SVIP: variants seen among roughly 807,000 people sequenced by gnomAD.
SVIP encodes small VCP/p97-interacting protein.
In SVIP, 14 loss-of-function variants were observed where a neutral mutation model predicts 12.9. The observed-to-expected ratio is 1.08, with a 90% CI of 0.72 to 1.70. SVIP has a LOEUF of 1.70. SVIP is among the 40% of genes most tolerant of loss of function. SVIP has a pLI of 0.00. For synonymous variants in SVIP, 35 were observed against 33.3 expected (o/e 1.05, Z -0.17); for missense variants, 93 against 90.8 (o/e 1.02, Z -0.10).
chr11:22,825,420 A>G (rs1024045318), intron 3 of SVIP, among the ~76,000 whole-genome samples: 1 of 152,124 alleles, frequency 6.6e-6, no homozygotes, highest in Non-Finnish European at 1.5e-5. Flanking sequence ...GTGATGAGGA[A>G]TATTCCAAGG....
chr11:22,825,659 AT>A (rs963465622), intron 3 of SVIP, among the ~76,000 whole-genome samples: 63 of 150,892 alleles, frequency 4.2e-4, no homozygotes, highest in African/African-American at 9.9e-4. Context: ...TAAGGCCTAA[AT>A]TTTTTTTTTA....
At chr11:22,828,243 T>C (rs894501571) in intron 1 of SVIP, among the ~76,000 whole-genome samples, 5 of 152,222 alleles carry the variant, frequency 3.3e-5, no homozygotes, top group Admixed American at 2.0e-4. Flanking sequence ...CTGGTGTTTT[T>C]AGGAAAGGTT....
In SVIP at chr11:22,824,902, G is replaced by C. The variant is rs12278395; in HGVS notation, c.220-1769C>G. Among the ~76,000 whole-genome samples, 1,131 of 152,210 alleles carry C rather than the reference G, an allele frequency of 7.4e-3. 19 individuals are homozygous for C. The highest frequency in any genetic ancestry group is 0.026 in the African/African-American group (1,089 of 41,544). ...CTATGAAACTCCAACATGCAGCTAAGGTGGAAAGCCATTGTACTAGAGGTC... is the reference window on the plus strand; with the variant it reads ...CTATGAAACTCCAACATGCAGCTAACGTGGAAAGCCATTGTACTAGAGGTC... On this transcript the variant is annotated intron_variant, in intron 3 of 3. Transcript: ENST00000354193.
intron 3 of SVIP, among the ~76,000 whole-genome samples, chr11:22,824,874 T>G (rs1471361937): frequency 6.6e-6 from 1 of 152,132 alleles, no homozygotes; most frequent in African/African-American, 2.4e-5. Context: ...TTTTGAAAGC[T>G]GCCTATGAAA....
At chr11:22,829,654 C>G in intron 1 of SVIP, 41 bp downstream of exon 1, 4 of 1,553,406 alleles carry the variant, frequency 2.6e-6, no homozygotes, top group Non-Finnish European at 3.5e-6. Flanking sequence ...GACAGGTGCT[C>G]AAGGCGCGGC....
At position 22,820,055 on chromosome 11, in the gene SVIP, A is replaced by C. The variant is rs1296956280; in HGVS notation, c.*3064T>G. ...GTGTCTGTAGCTTTTGAGAAAATTG[A>C]AGAAAAAAGCCACAATACTATATTT... On this transcript the variant is annotated 3_prime_UTR_variant, in exon 4 of 4. Transcript: ENST00000354193. 6.6e-6 allele frequency: 1 copy of C among 152,214 alleles called. No individual in the cohort carries two copies. The highest frequency in any genetic ancestry group is 1.5e-5 in the Non-Finnish European group (1 of 68,036). 9.4% of individuals were successfully genotyped at this position (152,214 alleles called of 1,614,324 possible). A position where few individuals can be genotyped will look rare whatever the true frequency, so the allele number is the denominator to read the frequency against.
chr11:22,823,069 G>A lies in SVIP; in HGVS notation c.*50C>T. 6.7e-7 allele frequency: 1 copy of A among 1,484,808 alleles called. No individual in the cohort carries two copies. The highest frequency in any genetic ancestry group is 9.2e-7 in the Non-Finnish European group (1 of 1,091,042). 92.0% of individuals were successfully genotyped at this position (1,484,808 alleles called of 1,614,324 possible). Reference sequence around the variant, plus strand: ...TTAAATTGATGAAGCCCACTTGATTGCAGATAATAAACAGTTATTGGCAGT... The same window carrying A: ...TTAAATTGATGAAGCCCACTTGATTACAGATAATAAACAGTTATTGGCAGT... On this transcript the variant is annotated 3_prime_UTR_variant, in exon 4 of 4. Transcript: ENST00000354193.
In SVIP at chr11:22,821,136, TTATATA is replaced by T. The variant is rs538663028; in HGVS notation, c.*1977_*1982del. On this transcript the variant is annotated 3_prime_UTR_variant, in exon 4 of 4. Transcript: ENST00000354193. ...TATACACACATATATAATATATATATTATATATATATATAATTTTTTAGTCATGTTT... is the reference window on the plus strand; with the variant it reads ...TATACACACATATATAATATATATATTATATATAATTTTTTAGTCATGTTT... The T allele has an allele frequency of 8.3e-5, 12 of 143,728 alleles. No individual in the cohort carries two copies. Among genetic ancestry groups the T allele is most frequent in the African/African-American group, 3.1e-4 (12 of 38,558 alleles). 8.9% of individuals were successfully genotyped at this position (143,728 alleles called of 1,614,324 possible).
chr11:22,829,581 C>A, intron 1 of SVIP, 114 bp downstream of exon 1: 3 of 1,101,938 alleles, frequency 2.7e-6, no homozygotes, highest in Non-Finnish European at 3.9e-6. Context: ...CTAGCAGGGT[C>A]CCCCAGCGGG....
In SVIP at chr11:22,819,914, G is replaced by A. The variant is rs1372605002; in HGVS notation, c.*3205C>T. ...TCAAAGTCAATATTTGCAAGATGAA[G>A]CATAACTAGAAGAGGGAGACTAGAA... is the stretch of plus-strand genomic sequence containing the variant. On this transcript the variant is annotated 3_prime_UTR_variant, in exon 4 of 4. Transcript: ENST00000354193. 1 of 152,204 alleles carries A rather than the reference G, an allele frequency of 6.6e-6. No individual in the cohort carries two copies. Among genetic ancestry groups the A allele is most frequent in the Non-Finnish European group, 1.5e-5 (1 of 68,032 alleles). The allele number at this position is 152,204 out of a possible 1,614,324, so 9.4% of individuals were successfully genotyped here. A position where few individuals can be genotyped will look rare whatever the true frequency, so the allele number is the denominator to read the frequency against.
Position 22,829,721 on chromosome 11 carries a change from C to T in SVIP, c.28G>A (p.Glu10Lys). The change falls in exon 1 of 4, where the codon GAG (glutamate) becomes AAG (lysine). Residue 10 changes from glutamate (E) to lysine (K), a missense_variant. Coordinates refer to ENST00000354193, the MANE Select transcript of SVIP (RefSeq NM_148893.3). MGLCFPCPG[E>K]SAPPTPDLEE... ...AGGTCCGGCGTGGGAGGCGCGGACTCCCCGGGACAAGGAAAACACAGCCCC... is the reference window on the plus strand; with the variant it reads ...AGGTCCGGCGTGGGAGGCGCGGACTTCCCGGGACAAGGAAAACACAGCCCC... The T allele has an allele frequency of 6.2e-7, 1 of 1,606,658 alleles. No individual in the cohort carries two copies. Among genetic ancestry groups the T allele is most frequent in the Non-Finnish European group, 8.5e-7 (1 of 1,177,334 alleles).
chr11:22,827,937 AT>A, intron 1 of SVIP, 63 bp from the exon 2 acceptor site: 1 of 1,261,954 alleles, frequency 7.9e-7, no homozygotes, highest in South Asian at 1.6e-5. Flanking sequence ...AATTATTCAC[AT>A]TTATTTCATA....
intron 3 of SVIP, among the ~76,000 whole-genome samples, chr11:22,826,009 C>T: frequency 6.6e-6 from 1 of 152,154 alleles, no homozygotes; most frequent in Middle Eastern, 3.4e-3. Context: ...AAGAATTGAC[C>T]TCGTTATCAC....
rs1194360669 is a variant in SVIP, at chr11:22,821,106, A to T, written c.*2013T>A. Reference sequence around the variant, plus strand: ...ATTAGAATTTGCAGATATTATGTGTATATATATACACACATATATAATATA... The same window carrying T: ...ATTAGAATTTGCAGATATTATGTGTTTATATATACACACATATATAATATA... On this transcript the variant is annotated 3_prime_UTR_variant, in exon 4 of 4. Coordinates refer to ENST00000354193, the MANE Select transcript of SVIP (RefSeq NM_148893.3). 6.8e-6 allele frequency: 1 copy of T among 147,748 alleles called. No individual in the cohort carries two copies. The highest frequency in any genetic ancestry group is 1.5e-5 in the Non-Finnish European group (1 of 67,230). The allele number at this position is 147,748 out of a possible 1,614,324, so 9.2% of individuals were successfully genotyped here. A position where few individuals can be genotyped will look rare whatever the true frequency, so the allele number is the denominator to read the frequency against.
intron 3 of SVIP, among the ~76,000 whole-genome samples, chr11:22,823,830 T>G (rs1158674781): frequency 6.6e-6 from 1 of 152,306 alleles, no homozygotes; most frequent in African/African-American, 2.4e-5. Context: ...GCTCAAGTCA[T>G]TCTCCCACCT....
At chr11:22,829,446 TAGAA>T (rs1857862564) in intron 1 of SVIP, 2 of 426,014 alleles carry the variant, frequency 4.7e-6, no homozygotes, top group Admixed American at 4.4e-5. Context: ...CAGTGGAAGG[TAGAA>T]AGACGCCACA....
In SVIP at chr11:22,822,450, G is replaced by A. The variant is rs1857520129; in HGVS notation, c.*669C>T. ...CAATAGAACATCACTGCCCTCTGAT[G>A]GTATCACTAATATATAATTTTAAAT... On this transcript the variant is annotated 3_prime_UTR_variant, in exon 4 of 4. Transcript: ENST00000354193. The A allele has an allele frequency of 6.6e-6, 1 of 151,582 alleles. No individual in the cohort carries two copies. The highest frequency in any genetic ancestry group is 1.5e-5 in the Non-Finnish European group (1 of 67,902). 9.4% of individuals were successfully genotyped at this position (151,582 alleles called of 1,614,324 possible).
chr11:22,823,816 G>A lies in SVIP; in HGVS notation c.220-683C>T, dbSNP rs146384968. On this transcript the variant is annotated intron_variant, in intron 3 of 3. Coordinates refer to ENST00000354193, the MANE Select transcript of SVIP (RefSeq NM_148893.3). ...AATGGCTCACTGCAGCCTTAACCTC[G>A]CAGGCTCAAGTCATTCTCCCACCTC... 4.6e-3 allele frequency among the ~76,000 whole-genome samples: 703 copies of A among 152,144 alleles called. 3 individuals carry two copies. The highest frequency in any genetic ancestry group is 0.015 in the African/African-American group (643 of 41,512).
chr11:22,819,463 T>G lies in SVIP; in HGVS notation c.*3656A>C, dbSNP rs1194919628. On this transcript the variant is annotated 3_prime_UTR_variant, in exon 4 of 4. Transcript: ENST00000354193. Reference sequence around the variant, plus strand: ...ACATTAACTCAAAACTCAACACAAATTTGGTATTATAAATATAGCCAATGC... The same window carrying G: ...ACATTAACTCAAAACTCAACACAAAGTTGGTATTATAAATATAGCCAATGC... 6.6e-6 allele frequency: 1 copy of G among 152,176 alleles called. No individual in the cohort carries two copies. Among genetic ancestry groups the G allele is most frequent in the Admixed American group, 6.5e-5 (1 of 15,276 alleles). The allele number at this position is 152,176 out of a possible 1,614,324, so 9.4% of individuals were successfully genotyped here.
Sources: gnomAD v4.1 joint callset for allele counts (sites outside exome capture counted in the v4.1 genomes callset) on GRCh38, gnomAD v4.1.1 for gene constraint, MANE v1.5 for transcripts, NCBI Gene and HGNC (gene_info 2026-07-23, HGNC 2026-07-21) for gene names.